PTPRG: variants seen among roughly 807,000 people sequenced by gnomAD.
The protein encoded by PTPRG is protein tyrosine phosphatase receptor type G, also known as receptor-type tyrosine-protein phosphatase gamma.
PTPRG carries 102 observed loss-of-function variants against 165.3 expected under a neutral mutation model. That is an observed-to-expected ratio of 0.62 (90% CI 0.53 to 0.73). The LOEUF is 0.73. Ranked by LOEUF, PTPRG falls within the 30% of genes least tolerant of loss-of-function variation. The pLI, the probability that PTPRG is intolerant of heterozygous loss-of-function variation, is 0.00. For synonymous variants in PTPRG, 675 were observed against 669.5 expected (o/e 1.01, Z -0.13); for missense variants, 1,866 against 1,861.4 (o/e 1.00, Z -0.05).
At chr3:62,105,664 T>C (rs1457755899) in intron 5 of PTPRG, among the ~76,000 whole-genome samples, 1 of 152,150 alleles carries the variant, frequency 6.6e-6, no homozygotes, top group Non-Finnish European at 1.5e-5. Flanking sequence ...AAAGGGAACA[T>C]ATGCTAGAGC....
At chr3:61,770,034 C>T (rs554951480) in intron 2 of PTPRG, 17 of 152,254 alleles carry the variant, frequency 1.1e-4, no homozygotes, top group African/African-American at 3.6e-4. Flanking sequence ...ACCTGATAAG[C>T]TTATTTAGCC....
Position 62,011,163 on chromosome 3 carries a change from C to A in PTPRG, c.519+7666C>A, listed in dbSNP as rs546517109. Among the ~76,000 whole-genome samples the A allele has an allele frequency of 2.6e-5, 4 of 152,310 alleles. No homozygotes were observed. In the South Asian group the frequency reaches 8.3e-4, roughly 32 times the overall value. Reference sequence around the variant, plus strand: ...TCCAGTGCGCATGCAGGCCCTTAGACTGAGCTGCTTCATATTGATTTATTT... The same window carrying A: ...TCCAGTGCGCATGCAGGCCCTTAGAATGAGCTGCTTCATATTGATTTATTT... On this transcript the variant is annotated intron_variant, in intron 4 of 29. Coordinates refer to ENST00000474889, the MANE Select transcript of PTPRG (RefSeq NM_002841.4).
At chr3:61,995,765 C>T (rs13075065) in intron 3 of PTPRG, among the ~76,000 whole-genome samples, 1 of 139,604 alleles carries the variant, frequency 7.2e-6, no homozygotes, top group African/African-American at 2.6e-5. Flanking sequence ...CTCTCCCTCC[C>T]TCCTTCTTTT....
chr3:62,170,275 A>G (rs1385168915), intron 8 of PTPRG, among the ~76,000 whole-genome samples: 1 of 152,042 alleles, frequency 6.6e-6, no homozygotes, highest in African/African-American at 2.4e-5. Flanking sequence ...AAAATAACCC[A>G]ACTAGAAAGC....
intron 2 of PTPRG, among the ~76,000 whole-genome samples, chr3:61,817,502 A>G (rs1431602205): frequency 1.3e-5 from 2 of 152,104 alleles, no homozygotes; most frequent in African/African-American, 2.4e-5. Flanking sequence ...TTAAATCCCA[A>G]ATTCTTCCAT....
chr3:61,688,464 T>C (rs1473475031), intron 1 of PTPRG, among the ~76,000 whole-genome samples: 1 of 152,032 alleles, frequency 6.6e-6, no homozygotes, highest in African/African-American at 2.4e-5. Context: ...TTCCAGAGAC[T>C]CAGAGGCCAC....
chr3:62,197,809 A>G (rs1225703273), intron 10 of PTPRG, among the ~76,000 whole-genome samples: 1 of 152,228 alleles, frequency 6.6e-6, no homozygotes, highest in Non-Finnish European at 1.5e-5. Flanking sequence ...CCTGTCAGCT[A>G]ATAAGTTCAA....
intron 2 of PTPRG, among the ~76,000 whole-genome samples, chr3:61,793,108 T>C (rs1351864685): frequency 6.6e-6 from 1 of 152,132 alleles, no homozygotes; most frequent in African/African-American, 2.4e-5. Context: ...TGAATGATTG[T>C]GAATATTGGA....
intron 5 of PTPRG, among the ~76,000 whole-genome samples, chr3:62,098,877 G>A (rs1453023074): frequency 6.6e-6 from 1 of 152,188 alleles, no homozygotes; most frequent in African/African-American, 2.4e-5. Flanking sequence ...GCATAAACTT[G>A]AAGGGTTGTG....
intron 11 of PTPRG, among the ~76,000 whole-genome samples, chr3:62,202,751 C>G (rs536603739): frequency 6.6e-6 from 1 of 152,212 alleles, no homozygotes; most frequent in East Asian, 1.9e-4. Context: ...AGCTGAGTAT[C>G]TACTCAAGTG....
chr3:61,667,786 T>G (rs1702850613), intron 1 of PTPRG, among the ~76,000 whole-genome samples: 1 of 146,080 alleles, frequency 6.8e-6, no homozygotes, highest in Non-Finnish European at 1.5e-5. Context: ...AAACAAAATT[T>G]TTTTAATTAA....
intron 1 of PTPRG, among the ~76,000 whole-genome samples, chr3:61,655,179 C>T (rs555486696): frequency 1.3e-5 from 2 of 152,196 alleles, no homozygotes; most frequent in East Asian, 3.9e-4. Context: ...TCGCCGAGTC[C>T]CCTGCCAGAT....
chr3:61,988,221 T>A (rs2040806752), intron 2 of PTPRG, among the ~76,000 whole-genome samples: 1 of 152,170 alleles, frequency 6.6e-6, no homozygotes, highest in Non-Finnish European at 1.5e-5. Context: ...GCTGCGGTAT[T>A]TTCCAGATAG....
intron 1 of PTPRG, among the ~76,000 whole-genome samples, chr3:61,737,422 T>G (rs1245303355): frequency 6.6e-6 from 1 of 152,250 alleles, no homozygotes; most frequent in East Asian, 1.9e-4. Context: ...CTTGCCTAAA[T>G]CTTACCAAAC....
intron 2 of PTPRG, among the ~76,000 whole-genome samples, chr3:61,760,583 T>C (rs1325996427): frequency 6.6e-6 from 1 of 152,234 alleles, no homozygotes; most frequent in Non-Finnish European, 1.5e-5. Flanking sequence ...TATTATACTC[T>C]GCAACCCATT....
intron 1 of PTPRG, among the ~76,000 whole-genome samples, chr3:61,619,556 T>C (rs961048742): frequency 6.6e-6 from 1 of 152,188 alleles, no homozygotes; most frequent in African/African-American, 2.4e-5. Context: ...AATGCAGCCT[T>C]TGAGAAACCC....
At chr3:61,926,609 C>CTCCCTCCCTCCCTCCCTACCTCCT (rs1335655029) in intron 2 of PTPRG, among the ~76,000 whole-genome samples, 1 of 94,788 alleles carries the variant, frequency 1.1e-5, no homozygotes, top group Non-Finnish European at 2.0e-5. Context: ...CCCTCCCTCC[C>CTCCCTCCCTCCCTCCCTACCTCCT]TCCTTCCTTC....
At chr3:61,728,984 T>C (rs1483559520) in intron 1 of PTPRG, among the ~76,000 whole-genome samples, 5 of 150,414 alleles carry the variant, frequency 3.3e-5, no homozygotes, top group Non-Finnish European at 7.4e-5. Context: ...ATCGCTTGAG[T>C]TTGGGAGGTT....
In PTPRG at chr3:62,240,259, T is replaced by C. The variant is rs569637695; in HGVS notation, c.2376-3548T>C. Reference sequence around the variant, plus strand: ...GAGAGGCGTGAGAATCGCCCGAACCTGGGAGGCGGAGGTTGCAGTGAGCTG... The same window carrying C: ...GAGAGGCGTGAGAATCGCCCGAACCCGGGAGGCGGAGGTTGCAGTGAGCTG... On this transcript the variant is annotated intron_variant, in intron 14 of 29. Coordinates refer to ENST00000474889, the MANE Select transcript of PTPRG (RefSeq NM_002841.4). The surrounding 1 kb of genome is among the most constrained non-coding windows in gnomAD (Gnocchi z 5.1). Among the ~76,000 whole-genome samples, 6 of 152,188 alleles carry C rather than the reference T, an allele frequency of 3.9e-5. No homozygotes were observed. Among genetic ancestry groups the C allele is most frequent in the Admixed American group, 3.9e-4 (6 of 15,292 alleles).
Sources: allele counts gnomAD v4.1 joint callset (sites outside exome capture counted in the v4.1 genomes callset), GRCh38; gene constraint gnomAD v4.1.1; non-coding constraint Gnocchi (gnomAD v3.1); transcripts MANE v1.5; gene names NCBI Gene and HGNC (gene_info 2026-07-23, HGNC 2026-07-21).